RAB27B: variants seen among roughly 807,000 people sequenced by gnomAD.
The protein encoded by RAB27B is ras-related protein Rab-27B.
In RAB27B, 15 loss-of-function variants were observed where a neutral mutation model predicts 24.6. The ratio of observed to expected loss-of-function variants is 0.61; its 90% confidence interval spans 0.41 to 0.94. The LOEUF is 0.94. Among genes scored for constraint, RAB27B ranks in the 40% least tolerant of loss-of-function variants. The pLI is 0.00. For missense variants in RAB27B, 261 were observed against 266.8 expected, an observed-to-expected ratio of 0.98 and a Z score of 0.15; for synonymous variants, 105 against 92.5, an observed-to-expected ratio of 1.14 and a Z score of -0.78.
chr18:54,765,561 C>T (rs1044566146), intron 2 of RAB27B, among the ~76,000 whole-genome samples: 13 of 152,130 alleles, frequency 8.5e-5, no homozygotes, highest in Non-Finnish European at 2.9e-5. Flanking sequence ...AATTGAAAAT[C>T]CCAATGCCTT....
chr18:54,872,227 A>G (rs191823583), intron 1 of RAB27B, among the ~76,000 whole-genome samples: 11 of 152,338 alleles, frequency 7.2e-5, no homozygotes, highest in Admixed American at 5.9e-4. Flanking sequence ...TTTCAAGTGC[A>G]GTATCTCTGT....
At chr18:54,846,831 A>G (rs1360389642) in intron 1 of RAB27B, among the ~76,000 whole-genome samples, 1 of 152,060 alleles carries the variant, frequency 6.6e-6, no homozygotes, top group Non-Finnish European at 1.5e-5. Flanking sequence ...ATAGAAATGG[A>G]CTTCACATGA....
At chr18:54,756,414 T>C (rs184819346) in intron 2 of RAB27B, among the ~76,000 whole-genome samples, 5 of 152,306 alleles carry the variant, frequency 3.3e-5, no homozygotes, top group East Asian at 1.9e-4. Flanking sequence ...ATCCTGACTA[T>C]AGGTTCGATT....
At chr18:54,861,671 T>C (rs1182715737) in intron 1 of RAB27B, among the ~76,000 whole-genome samples, 2 of 152,206 alleles carry the variant, frequency 1.3e-5, no homozygotes, top group Non-Finnish European at 2.9e-5. Context: ...CCTGGCTACA[T>C]GTTGGAATCA....
upstream of RAB27B, among the ~76,000 whole-genome samples, chr18:54,826,882 A>G (rs1024951651): frequency 2.6e-5 from 4 of 152,230 alleles, no homozygotes; most frequent in African/African-American, 9.6e-5. Context: ...AAGCCAAATG[A>G]GATGAAACTC....
At chr18:54,861,271 A>T (rs1263560546) in intron 1 of RAB27B, among the ~76,000 whole-genome samples, 1 of 152,262 alleles carries the variant, frequency 6.6e-6, no homozygotes, top group Non-Finnish European at 1.5e-5. Flanking sequence ...TTTATTAAAC[A>T]AGCCATATCT....
At chr18:54,777,467 C>A (rs924254894) in intron 2 of RAB27B, among the ~76,000 whole-genome samples, 3 of 152,222 alleles carry the variant, frequency 2.0e-5, no homozygotes, top group Admixed American at 2.0e-4. Flanking sequence ...CAAACTCCAC[C>A]TGAGCTCTAG....
At chr18:54,798,725 A>G (rs1029590817) in intron 2 of RAB27B, among the ~76,000 whole-genome samples, 2 of 152,258 alleles carry the variant, frequency 1.3e-5, no homozygotes, top group African/African-American at 4.8e-5. Flanking sequence ...CTAAGTTGCT[A>G]ACATTCAGTC....
intron 2 of RAB27B, among the ~76,000 whole-genome samples, chr18:54,764,541 C>A (rs772054128): frequency 2.0e-5 from 3 of 152,108 alleles, no homozygotes; most frequent in Non-Finnish European, 2.9e-5. Flanking sequence ...GGGAGAGTAG[C>A]TCTTTGAGTA....
chr18:54,832,896 TAA>T (rs1042555791), intron 1 of RAB27B, among the ~76,000 whole-genome samples: 1 of 152,108 alleles, frequency 6.6e-6, no homozygotes, highest in Non-Finnish European at 1.5e-5. Context: ...AGAAAAACTA[TAA>T]AAAATTCTGA....
rs1294343597 is a variant in RAB27B, at chr18:54,890,912, T to G, written c.*1499T>G. The G allele has an allele frequency of 6.6e-6, 1 of 152,098 alleles. No homozygotes were observed. The highest frequency in any genetic ancestry group is 1.5e-5 in the Non-Finnish European group (1 of 68,006). The allele number at this position is 152,098 out of a possible 1,614,324, so 9.4% of individuals were successfully genotyped here. On this transcript the variant is annotated 3_prime_UTR_variant, in exon 6 of 6. Coordinates refer to ENST00000262094, the MANE Select transcript of RAB27B (RefSeq NM_004163.4). Reference sequence around the variant, plus strand: ...ATTAATTTTTAATCTTAGTTTCTGATAAACACAAGCCATTCCTATCAAAAT... The same window carrying G: ...ATTAATTTTTAATCTTAGTTTCTGAGAAACACAAGCCATTCCTATCAAAAT...
chr18:54,892,610 T>C lies in RAB27B; in HGVS notation c.*3197T>C, dbSNP rs1379210210. 2 of 152,052 alleles carry C rather than the reference T, an allele frequency of 1.3e-5. No homozygotes were observed. Among genetic ancestry groups the C allele is most frequent in the Non-Finnish European group, 2.9e-5 (2 of 67,954 alleles). 9.4% of individuals were successfully genotyped at this position (152,052 alleles called of 1,614,324 possible). A position where few individuals can be genotyped will look rare whatever the true frequency, so the allele number is the denominator to read the frequency against. Reference sequence around the variant, plus strand: ...AATGTTTGTCTTGGTCTGATAATGATAAGAAGTCAAGGATTGGCAGAGAAA... The same window carrying C: ...AATGTTTGTCTTGGTCTGATAATGACAAGAAGTCAAGGATTGGCAGAGAAA... On this transcript the variant is annotated 3_prime_UTR_variant, in exon 6 of 6. Coordinates refer to ENST00000262094, the MANE Select transcript of RAB27B (RefSeq NM_004163.4).
At chr18:54,870,950 A>T (rs1002103934) in intron 1 of RAB27B, among the ~76,000 whole-genome samples, 3 of 152,232 alleles carry the variant, frequency 2.0e-5, no homozygotes, top group Admixed American at 6.5e-5. Context: ...ATTCTCTCAA[A>T]TTTAGTATAT....
chr18:54,757,663 G>T (rs532189811), intron 2 of RAB27B, among the ~76,000 whole-genome samples: 2 of 152,128 alleles, frequency 1.3e-5, no homozygotes, highest in African/African-American at 2.4e-5. Context: ...GGACCAATTT[G>T]ATAAAATTGG....
chr18:54,787,077 T>C (rs1248721834), intron 2 of RAB27B, among the ~76,000 whole-genome samples: 3 of 152,204 alleles, frequency 2.0e-5, no homozygotes, highest in African/African-American at 7.2e-5. Flanking sequence ...CTCGGAAACC[T>C]CCCAGTACTA....
chr18:54,835,686 C>T (rs1910867318), intron 1 of RAB27B, among the ~76,000 whole-genome samples: 1 of 151,930 alleles, frequency 6.6e-6, no homozygotes, highest in African/African-American at 2.4e-5. Context: ...CTTTAATCTT[C>T]AGTTGGAAGC....
At chr18:54,795,019 C>T (rs1476176535) in intron 2 of RAB27B, among the ~76,000 whole-genome samples, 1 of 152,204 alleles carries the variant, frequency 6.6e-6, no homozygotes, top group Non-Finnish European at 1.5e-5. Flanking sequence ...TGCAGCATAG[C>T]AGTCTGGTCT....
At chr18:54,788,042 G>A (rs375741628) in intron 2 of RAB27B, among the ~76,000 whole-genome samples, 2 of 152,182 alleles carry the variant, frequency 1.3e-5, no homozygotes, top group Admixed American at 1.3e-4. Flanking sequence ...CACCAGTTAT[G>A]TACATCAATG....
intron 2 of RAB27B, among the ~76,000 whole-genome samples, chr18:54,800,364 A>G (rs1909561977): frequency 6.6e-6 from 1 of 152,230 alleles, no homozygotes; most frequent in Non-Finnish European, 1.5e-5. Context: ...TCATGAAAGA[A>G]CGCATACATT....
Sources: gnomAD v4.1 joint callset for allele counts (sites outside exome capture counted in the v4.1 genomes callset) on GRCh38, gnomAD v4.1.1 for gene constraint, MANE v1.5 for transcripts, NCBI Gene and HGNC (gene_info 2026-07-23, HGNC 2026-07-21) for gene names.